The following MCU variants were observed in gnomAD, a reference collection of about 807,000 sequenced individuals.
MCU encodes calcium uniporter protein, mitochondrial.
In MCU, 12 loss-of-function variants were observed where a neutral mutation model predicts 45.2. That is an observed-to-expected ratio of 0.27 (90% confidence interval 0.17 to 0.43). MCU has a LOEUF of 0.43. MCU is among the 20% of genes least tolerant of loss of function. The probability of loss-of-function intolerance (pLI) is 1.00; values close to 1 mark genes in which losing one functional copy is unlikely to be tolerated. For synonymous variants in MCU, 160 were observed against 165.1 expected (o/e 0.97, Z 0.24); for missense variants, 324 against 436.7 (o/e 0.74, Z 2.30).
chr10:72,705,931 C>T (rs945278239), intron 1 of MCU, among the ~76,000 whole-genome samples: 5 of 151,822 alleles, frequency 3.3e-5, no homozygotes, highest in Middle Eastern at 3.2e-3. Context: ...TGCAGTGAGC[C>T]GAGATCAAAC....
At chr10:72,858,198 C>T (rs1026207775) in intron 2 of MCU, among the ~76,000 whole-genome samples, 2 of 152,102 alleles carry the variant, frequency 1.3e-5, no homozygotes, top group Admixed American at 6.6e-5. Flanking sequence ...ATACTCAGTA[C>T]GCTATAGGAG....
chr10:72,798,454 G>T (rs1232080517), intron 1 of MCU, among the ~76,000 whole-genome samples: 1 of 152,052 alleles, frequency 6.6e-6, no homozygotes, highest in Non-Finnish European at 1.5e-5. Flanking sequence ...ACCATGCCCG[G>T]CTAATTTTTG....
At chr10:72,703,915 A>G (rs1564533302) in intron 1 of MCU, among the ~76,000 whole-genome samples, 1 of 152,040 alleles carries the variant, frequency 6.6e-6, no homozygotes, top group African/African-American at 2.4e-5. Context: ...CAACAACAAC[A>G]ACAAAAAACA....
chr10:72,884,008 A>T (rs1019526043), intron 6 of MCU, among the ~76,000 whole-genome samples: 1 of 152,084 alleles, frequency 6.6e-6, no homozygotes, highest in African/African-American at 2.4e-5. Flanking sequence ...GAGTTTCTGG[A>T]TTGTTGGCAG....
intron 2 of MCU, among the ~76,000 whole-genome samples, chr10:72,838,474 G>A (rs1330185303): frequency 1.3e-5 from 2 of 152,046 alleles, no homozygotes; most frequent in African/African-American, 4.8e-5. Context: ...AGCTGGGCGT[G>A]GTGGCATGTG....
intron 1 of MCU, among the ~76,000 whole-genome samples, chr10:72,698,881 G>A (rs555911569): frequency 6.6e-6 from 1 of 152,044 alleles, no homozygotes; most frequent in South Asian, 2.1e-4. Context: ...ATGGCTCACC[G>A]CAGCCTTGAA....
In MCU at chr10:72,707,073, A is replaced by G. The variant is rs188574691; in HGVS notation, c.150+14772A>G. On this transcript the variant is annotated intron_variant, in intron 1 of 7. Transcript: ENST00000373053. The stretch of plus-strand genomic sequence containing the variant: ...TTGAACTCCTGACCTTACATGATCC[A>G]TCTGCTTCAGCCTCCCAAAGTGCTG... Among the ~76,000 whole-genome samples the G allele has an allele frequency of 3.1e-3, 474 of 150,926 alleles. 2 individuals are homozygous for G. Among genetic ancestry groups the G allele is most frequent in the African/African-American group, 0.011 (440 of 41,056 alleles).
chr10:72,803,844 T>G (rs973218753), intron 1 of MCU, among the ~76,000 whole-genome samples: 2 of 151,120 alleles, frequency 1.3e-5, no homozygotes, highest in African/African-American at 4.8e-5. Context: ...TAATTAAATC[T>G]AAAAATATTA....
At chr10:72,726,518 G>A (rs548956172) in intron 1 of MCU, among the ~76,000 whole-genome samples, 1 of 149,296 alleles carries the variant, frequency 6.7e-6, no homozygotes, top group South Asian at 2.1e-4. Context: ...GTTTTTTTTT[G>A]TCACTGTGAA....
At chr10:72,865,984 A>G (rs183611830) in intron 4 of MCU, among the ~76,000 whole-genome samples, 321 of 150,696 alleles carry the variant, frequency 2.1e-3, no homozygotes, top group African/African-American at 3.9e-3. Flanking sequence ...TCACCATGTT[A>G]GCCAGAATGG....
intron 4 of MCU, among the ~76,000 whole-genome samples, chr10:72,865,417 T>G (rs1845437852): frequency 6.6e-6 from 1 of 152,260 alleles, no homozygotes; most frequent in Admixed American, 6.5e-5. Flanking sequence ...TTTTTAATGT[T>G]TAGATGCACA....
chr10:72,858,314 G>A (rs1358139283), intron 2 of MCU, among the ~76,000 whole-genome samples: 1 of 152,194 alleles, frequency 6.6e-6, no homozygotes, highest in Non-Finnish European at 1.5e-5. Flanking sequence ...CATGATCTGA[G>A]GGTGGAGTTT....
At chr10:72,704,226 A>G (rs1842791909) in intron 1 of MCU, among the ~76,000 whole-genome samples, 1 of 152,200 alleles carries the variant, frequency 6.6e-6, no homozygotes, top group African/African-American at 2.4e-5. Flanking sequence ...TGACTAGGAC[A>G]GTAGCGTTGT....
At chr10:72,771,221 C>T (rs1843802917) in intron 1 of MCU, among the ~76,000 whole-genome samples, 1 of 152,112 alleles carries the variant, frequency 6.6e-6, no homozygotes, top group East Asian at 1.9e-4. Flanking sequence ...CCTGACAGGC[C>T]CCAATGTGTG....
intron 1 of MCU, among the ~76,000 whole-genome samples, chr10:72,746,597 G>C (rs1023369989): frequency 1.3e-5 from 2 of 152,192 alleles, no homozygotes; most frequent in Non-Finnish European, 2.9e-5. Flanking sequence ...TAAGACTTCA[G>C]TGTTTGAAAT....
At chr10:72,757,856 G>A (rs531001631) in intron 1 of MCU, among the ~76,000 whole-genome samples, 2 of 152,362 alleles carry the variant, frequency 1.3e-5, no homozygotes, top group East Asian at 1.9e-4. Flanking sequence ...ACAAGCAGGT[G>A]TATATTCACG....
At chr10:72,778,491 A>C (rs1202636114) in intron 1 of MCU, among the ~76,000 whole-genome samples, 3 of 151,990 alleles carry the variant, frequency 2.0e-5, no homozygotes, top group Non-Finnish European at 2.9e-5. Flanking sequence ...ATGAAGATAG[A>C]GTGTAGAATG....
At chr10:72,722,565 T>C (rs940221888) in intron 1 of MCU, among the ~76,000 whole-genome samples, 7 of 151,610 alleles carry the variant, frequency 4.6e-5, no homozygotes, top group African/African-American at 1.7e-4. Context: ...AGCAAAATTC[T>C]AGTGTAACCA....
chr10:72,765,275 A>C lies in MCU; in HGVS notation c.151-69084A>C, dbSNP rs193063685. Among the ~76,000 whole-genome samples, 115 of 152,292 alleles carry C rather than the reference A, an allele frequency of 7.6e-4. 2 individuals carry two copies. The East Asian group carries it at 0.022, about 29-fold the overall frequency. On this transcript the variant is annotated intron_variant, in intron 1 of 7. Transcript: ENST00000373053. ...AATAGTTTTGCCCATAAAATGTTGC[A>C]AAATCTATAAATGGTTTCGTAAGAA...
Sources: allele counts gnomAD v4.1 joint callset (sites outside exome capture counted in the v4.1 genomes callset), GRCh38; gene constraint gnomAD v4.1.1; transcripts MANE v1.5; gene names NCBI Gene and HGNC (gene_info 2026-07-23, HGNC 2026-07-21).